ASCC1: variants seen among roughly 807,000 people sequenced by gnomAD.
The protein encoded by ASCC1 is ASC-1 complex subunit P50.
Under a neutral mutation model 46.6 loss-of-function variants are expected in ASCC1, and 35 were observed. That is an observed-to-expected ratio of 0.75 (90% CI 0.57 to 0.99). The LOEUF (loss-of-function observed/expected upper bound fraction) is 0.99. ASCC1 is among the 50% of genes least tolerant of loss of function. The probability of loss-of-function intolerance (pLI) is 0.00; values close to 1 mark genes in which losing one functional copy is unlikely to be tolerated. For synonymous variants in ASCC1, 143 were observed against 146.6 expected, an observed-to-expected ratio of 0.98 and a Z score of 0.18; for missense variants, 376 against 428.7, an observed-to-expected ratio of 0.88 and a Z score of 1.09.
intron 5 of ASCC1, chr10:72,189,802 CAAAAAA>C (rs996153326): frequency 5.1e-4 from 86 of 167,816 alleles, no homozygotes; most frequent in East Asian, 8.1e-4. Context: ...AACTCCATCT[CAAAAAA>C]AAAAAAAAAA....
chr10:72,099,812 C>T (rs1841527244), intron 9 of ASCC1, among the ~76,000 whole-genome samples: 1 of 152,002 alleles, frequency 6.6e-6, no homozygotes, highest in Non-Finnish European at 1.5e-5. Context: ...AAGAGAGAAA[C>T]TCTGTCTCAA....
intron 9 of ASCC1, 23 bp from the exon 10 acceptor site, chr10:72,097,473 C>A (rs555079261): frequency 1.4e-6 from 2 of 1,396,546 alleles, no homozygotes; most frequent in South Asian, 1.2e-5. Context: ...AATAAAAACC[C>A]AGAATGAATA....
At chr10:72,161,241 GA>G (rs1849661152) in intron 6 of ASCC1, among the ~76,000 whole-genome samples, 1 of 150,808 alleles carries the variant, frequency 6.6e-6, no homozygotes, top group Non-Finnish European at 1.5e-5. Context: ...CTCTCCTAGA[GA>G]ATCGTGTTAT....
chr10:72,199,653 C>G (rs1422526298), intron 4 of ASCC1, among the ~76,000 whole-genome samples: 1 of 152,052 alleles, frequency 6.6e-6, no homozygotes, highest in Non-Finnish European at 1.5e-5. Flanking sequence ...CCAGGATGGT[C>G]TCAATCTCCT....
chr10:72,155,962 G>A (rs1848905891), intron 6 of ASCC1, among the ~76,000 whole-genome samples: 2 of 152,338 alleles, frequency 1.3e-5, no homozygotes, highest in East Asian at 1.9e-4. Context: ...TAAGGGGGAA[G>A]CTGTTCTGGA....
intron 6 of ASCC1, among the ~76,000 whole-genome samples, chr10:72,156,514 G>A (rs766828602): frequency 7.9e-5 from 12 of 152,172 alleles, no homozygotes; most frequent in Non-Finnish European, 1.8e-4. Flanking sequence ...TGTAATCCCA[G>A]AACTTCGGGA....
At chr10:72,202,361 G>T (rs866057231) in intron 4 of ASCC1, among the ~76,000 whole-genome samples, 11 of 151,922 alleles carry the variant, frequency 7.2e-5, no homozygotes, top group African/African-American at 2.7e-4. Flanking sequence ...CCAGCTACTC[G>T]GGAGGCTGAG....
At chr10:72,174,986 T>C (rs1274106348) in intron 5 of ASCC1, among the ~76,000 whole-genome samples, 1 of 152,190 alleles carries the variant, frequency 6.6e-6, no homozygotes, top group Non-Finnish European at 1.5e-5. Context: ...AAAGAGAAAA[T>C]ATGCATGCTT....
At chr10:72,149,438 A>AC in intron 7 of ASCC1, among the ~76,000 whole-genome samples, 1 of 35,918 alleles carries the variant, frequency 2.8e-5, no homozygotes, top group Non-Finnish European at 4.8e-5. Flanking sequence ...ACTCCGTCAC[A>AC]AAAAAAAAAA....
At chr10:72,102,151 A>T (rs183151036) in intron 9 of ASCC1, among the ~76,000 whole-genome samples, 27 of 152,306 alleles carry the variant, frequency 1.8e-4, no homozygotes, top group Middle Eastern at 3.4e-3. Context: ...AAATTACAAA[A>T]GAAACATAGA....
At chr10:72,170,811 C>T (rs1263017725) in intron 5 of ASCC1, among the ~76,000 whole-genome samples, 2 of 151,848 alleles carry the variant, frequency 1.3e-5, no homozygotes, top group South Asian at 2.1e-4. Context: ...CAATGTTAAA[C>T]GTATTGAGGT....
In ASCC1 at chr10:72,213,235, G is replaced by A. The variant is rs1254794381; in HGVS notation, c.64C>T (p.Gln22Ter). ...TCTTCATGTTGATAGGTCTGTTCTT[G>A]GACTGGATTCTTCCTGTAATTCCGG... is the stretch of plus-strand genomic sequence containing the variant. ...DGRNYRKNPV[Q>*]EQTYQHEEDE... Residue 22 changes from glutamine to a stop codon, truncating the protein, a stop_gained, in exon 2 of 10, where the codon CAA becomes TAA. Transcript: ENST00000672957. LOFTEE classifies it high-confidence loss of function. 1 of 1,613,860 alleles carries A rather than the reference G, an allele frequency of 6.2e-7. No individual in the cohort carries two copies. Among genetic ancestry groups the A allele is most frequent in the African/African-American group, 1.3e-5 (1 of 75,018 alleles).
At chr10:72,147,601 T>C (rs1847800000) in intron 7 of ASCC1, among the ~76,000 whole-genome samples, 1 of 152,282 alleles carries the variant, frequency 6.6e-6, no homozygotes, top group South Asian at 2.1e-4. Context: ...AATTGGAACA[T>C]AGTCTATCCT....
intron 6 of ASCC1, among the ~76,000 whole-genome samples, chr10:72,156,698 G>C (rs1054713844): frequency 6.6e-6 from 1 of 151,848 alleles, no homozygotes; most frequent in Non-Finnish European, 1.5e-5. Context: ...CGCGAACCCA[G>C]GGGGCGGAGC....
At chr10:72,186,949 GAA>G (rs58308871) in intron 5 of ASCC1, among the ~76,000 whole-genome samples, 18,714 of 101,016 alleles carry the variant, frequency 0.19, 3,527 homozygotes, top group African/African-American at 0.49. Context: ...CACATGCCCA[GAA>G]AAAAAAAAAA....
chr10:72,173,939 T>C (rs1851551931), intron 5 of ASCC1, among the ~76,000 whole-genome samples: 4 of 152,256 alleles, frequency 2.6e-5, no homozygotes. Context: ...CTAATGGTAT[T>C]GACCTTCCAC....
chr10:72,196,605 A>T (rs887504826), intron 5 of ASCC1, among the ~76,000 whole-genome samples: 3 of 152,124 alleles, frequency 2.0e-5, no homozygotes, highest in African/African-American at 7.2e-5. Flanking sequence ...AATTTTTTAA[A>T]GACATTTCTG....
Position 72,155,011 on chromosome 10 carries a change from T to TAA in ASCC1, c.627-2025_627-2024dup, listed in dbSNP as rs781470462. 2.2e-4 allele frequency among the ~76,000 whole-genome samples: 33 copies of TAA among 152,144 alleles called. 1 individual carries two copies. Among genetic ancestry groups the TAA allele is most frequent in the Non-Finnish European group, 3.4e-4 (23 of 68,020 alleles). On this transcript the variant is annotated intron_variant, in intron 6 of 9. Transcript: ENST00000672957. ...AAAATGATATATAAAACTGATATAA[T>TAA]AAGTTATATTTCTAAGTTTTAAAAA... is the stretch of plus-strand genomic sequence containing the variant.
intron 9 of ASCC1, among the ~76,000 whole-genome samples, chr10:72,120,608 A>T (rs1421960925): frequency 6.6e-6 from 1 of 151,802 alleles, no homozygotes; most frequent in African/African-American, 2.4e-5. Flanking sequence ...AAAAAAAAAA[A>T]TTGTACCTAG....
Sources: gnomAD v4.1 joint callset for allele counts (sites outside exome capture counted in the v4.1 genomes callset) on GRCh38, gnomAD v4.1.1 for gene constraint, MANE v1.5 for transcripts, NCBI Gene and HGNC (gene_info 2026-07-23, HGNC 2026-07-21) for gene names.